TMC3: variants seen among roughly 807,000 people sequenced by gnomAD.
The protein encoded by TMC3 is transmembrane channel-like protein 3.
Under a neutral mutation model 110.6 loss-of-function variants are expected in TMC3, and 98 were observed. That is an observed-to-expected ratio of 0.89 (90% CI 0.75 to 1.05). The LOEUF is 1.05. Ranked by LOEUF, TMC3 falls within the 50% of genes least tolerant of loss-of-function variation. The pLI, the probability that TMC3 is intolerant of heterozygous loss-of-function variation, is 0.00. For missense variants in TMC3, 1,319 were observed against 1,373.2 expected (o/e 0.96, Z 0.62); for synonymous variants, 489 against 513.1 (o/e 0.95, Z 0.63).
chr15:81,371,235 C>A (rs1894427591), intron 2 of TMC3, among the ~76,000 whole-genome samples: 1 of 152,130 alleles, frequency 6.6e-6, no homozygotes. Context: ...ACATGAAAGG[C>A]CCATGAAGGA....
intron 18 of TMC3, 137 bp downstream of exon 18, chr15:81,338,518 C>T: frequency 8.5e-7 from 1 of 1,179,374 alleles, no homozygotes; most frequent in Non-Finnish European, 1.2e-6. Context: ...CTCAGAGTCC[C>T]TGTTGAGATC....
chr15:81,347,961 A>G (rs577216867), intron 11 of TMC3, among the ~76,000 whole-genome samples: 2 of 152,192 alleles, frequency 1.3e-5, no homozygotes, highest in South Asian at 2.1e-4. Context: ...TGCTCTTCCT[A>G]GTCATGTTTT....
In TMC3 at chr15:81,338,808, A is replaced by AT. The variant is rs1893652034; in HGVS notation, c.1956-29dup. On this transcript the variant is annotated intron_variant, in intron 17 of 21. Transcript: ENST00000359440. Reference sequence around the variant, plus strand: ...GTGAGAAAGAAAAACATAACTCCAGATTTTATTGCTCTTGGCAGAAAGATG... The same window carrying AT: ...GTGAGAAAGAAAAACATAACTCCAGATTTTTATTGCTCTTGGCAGAAAGATG... 5.0e-6 allele frequency: 8 copies of AT among 1,611,188 alleles called. No individual in the cohort carries two copies. The East Asian group carries it at 1.8e-4, about 36-fold the overall frequency.
At position 81,368,314 on chromosome 15, in the gene TMC3, A is replaced by G. The variant is rs200057903; in HGVS notation, c.251T>C (p.Ile84Thr). 7.4e-6 allele frequency: 12 copies of G among 1,613,438 alleles called. No individual in the cohort carries two copies. Among genetic ancestry groups the G allele is most frequent in the East Asian group, 4.5e-5 (2 of 44,854 alleles). The change falls in exon 3 of 22, where the codon ATT becomes ACT. Residue 84 changes from isoleucine to threonine, a missense_variant. Ile to Thr is a moderately conservative substitution (Grantham distance 89, BLOSUM62 -1). Coordinates refer to ENST00000359440, the MANE Select transcript of TMC3 (RefSeq NM_001080532.3). ...CAGCCTCCCTTCAAACTTCAGCACA[A>G]TGTTCTTCGCTTGTCTAAGAGAAGA... ...KLRALRQAKN[I>T]VLKFEGRLTR...
Position 81,374,078 on chromosome 15 carries a change from G to A in TMC3, c.-1C>T. The stretch of plus-strand genomic sequence containing the variant: ...GCTGGGATGCCTTCGAGGTTTTCAT[G>A]GGAGCTAACCCACTGCTAACAATCA... On this transcript the variant is annotated 5_prime_UTR_variant, in exon 1 of 22. Transcript: ENST00000359440. 1 of 1,613,422 alleles carries A rather than the reference G, an allele frequency of 6.2e-7. No individual in the cohort carries two copies. Among genetic ancestry groups the A allele is most frequent in the Non-Finnish European group, 8.5e-7 (1 of 1,179,684 alleles).
chr15:81,332,222 T>G lies in TMC3; in HGVS notation c.*197A>C. On this transcript the variant is annotated 3_prime_UTR_variant, in exon 22 of 22. Coordinates refer to ENST00000359440, the MANE Select transcript of TMC3 (RefSeq NM_001080532.3). ...ATACTTTGGTGCCACCTAACTCGGA[T>G]AAATTTGGCTAACAGTAGCTGTAGA... is the stretch of plus-strand genomic sequence containing the variant. 1.5e-6 allele frequency: 1 copy of G among 674,696 alleles called. No homozygotes were observed. Among genetic ancestry groups the G allele is most frequent in the Non-Finnish European group, 2.3e-6 (1 of 430,114 alleles). The allele number at this position is 674,696 out of a possible 1,614,324, so 41.8% of individuals were successfully genotyped here.
rs553645567 is a variant in TMC3, at chr15:81,362,002, G to A, written c.394+218C>T. The A allele has an allele frequency of 1.8e-3, 758 of 423,312 alleles. 2 individuals carry two copies. Among genetic ancestry groups the A allele is most frequent in the Non-Finnish European group, 2.8e-3 (647 of 227,178 alleles). The allele number at this position is 423,312 out of a possible 1,614,324, so 26.2% of individuals were successfully genotyped here. ...GAGAACAGCAGAGCCGCAGCGGAAT[G>A]TGGAAAGGCCCACGTCCAGACTGTT... On this transcript the variant is annotated intron_variant, in intron 4 of 21. Transcript: ENST00000359440.
intron 4 of TMC3, among the ~76,000 whole-genome samples, chr15:81,361,317 C>T (rs1393710406): frequency 1.3e-5 from 2 of 152,092 alleles, no homozygotes; most frequent in Non-Finnish European, 2.9e-5. Flanking sequence ...ACAATTGAAT[C>T]AATTGTTCCA....
Position 81,333,111 on chromosome 15 carries a change from GT to G in TMC3, c.2610del (p.Gln871ArgfsTer31). The G allele has an allele frequency of 6.2e-7, 1 of 1,614,086 alleles. No homozygotes were observed. Among genetic ancestry groups the G allele is most frequent in the Non-Finnish European group, 8.5e-7 (1 of 1,179,906 alleles). On this transcript the variant is annotated frameshift_variant, in exon 22 of 22. Coordinates refer to ENST00000359440, the MANE Select transcript of TMC3 (RefSeq NM_001080532.3). LOFTEE classifies it low-confidence loss of function (END_TRUNC). ...CCCTGTGCCAGCAAAGTCGAGGCCT[GT>G]GGTCCACGGTGAGGAGGGTTGATTT... Reference protein sequence around the residue: ...FQQINPPHRGPQASTLLAQGP... With the variant: ...FQQINPPHRGXQASTLLAQGP...
chr15:81,372,349 GACACAC>G (rs371289786), intron 2 of TMC3, among the ~76,000 whole-genome samples: 17,309 of 116,562 alleles, frequency 0.15, 1,598 homozygotes, highest in Non-Finnish European at 0.18. Flanking sequence ...CTGTCTCTCT[GACACAC>G]ACACACACAC....
chr15:81,370,776 G>A (rs1894416864), intron 2 of TMC3, among the ~76,000 whole-genome samples: 1 of 150,778 alleles, frequency 6.6e-6, no homozygotes, highest in Non-Finnish European at 1.5e-5. Context: ...CCGGGTTCAA[G>A]CAATTCTCCT....
At chr15:81,354,725 C>A (rs1894022165) in intron 9 of TMC3, among the ~76,000 whole-genome samples, 1 of 152,148 alleles carries the variant, frequency 6.6e-6, no homozygotes, top group Admixed American at 6.5e-5. Context: ...GAAATTTCTA[C>A]CCACTGGGGA....
intron 10 of TMC3, among the ~76,000 whole-genome samples, 192 bp from the exon 11 acceptor site, chr15:81,349,759 C>CTTT (rs532576010): frequency 0.12 from 15,061 of 129,138 alleles, 1,720 homozygotes; most frequent in African/African-American, 0.29. Context: ...TTATCATGGT[C>CTTT]TTTTTTTTTT....
chr15:81,344,694 C>T (rs1893785819), intron 13 of TMC3, 72 bp downstream of exon 13: 1 of 1,450,908 alleles, frequency 6.9e-7, no homozygotes, highest in Non-Finnish European at 9.5e-7. Context: ...GGGGCAGTGA[C>T]AGCTCAGAGA....
At chr15:81,369,846 A>G (rs947881932) in intron 2 of TMC3, among the ~76,000 whole-genome samples, 2 of 152,158 alleles carry the variant, frequency 1.3e-5, no homozygotes, top group Admixed American at 1.3e-4. Flanking sequence ...AGATCACTTG[A>G]GCCCAGGAGT....
chr15:81,356,363 G>T, intron 8 of TMC3, 84 bp downstream of exon 8: 1 of 1,451,506 alleles, frequency 6.9e-7, no homozygotes, highest in Non-Finnish European at 9.2e-7. Context: ...GAAGAGGATG[G>T]TTCTGGCTTC....
chr15:81,332,490 T>A lies in TMC3; in HGVS notation c.3232A>T (p.Ser1078Cys), dbSNP rs768520758. 11 of 1,613,188 alleles carry A rather than the reference T, an allele frequency of 6.8e-6. No homozygotes were observed. In the African/African-American group the frequency reaches 1.5e-4, roughly 22 times the overall value. The change falls in exon 22 of 22, where the codon AGC becomes TGC. Residue 1078 changes from serine to cysteine, a missense_variant. Physicochemically the swap from Ser to Cys is moderately radical, Grantham distance 112 (BLOSUM62 -1). Transcript: ENST00000359440. ...TGCCCCGACTTGGCCTTCCTCCTGC[T>A]GGGCTGGCCCACGGACCTCGGGAAC... is the stretch of plus-strand genomic sequence containing the variant. ...GRFPRSVGQP[S>C]RRKAKSGQEL...
rs769721986 is a variant in TMC3, at chr15:81,332,376, C to G, written c.*43G>C. On this transcript the variant is annotated 3_prime_UTR_variant, in exon 22 of 22. Transcript: ENST00000359440. The stretch of plus-strand genomic sequence containing the variant: ...AGATGCCATGTGCTGGCCCAGCACT[C>G]CAACAGGGGCCTGACCTCTAGGAAC... 1.9e-6 allele frequency: 3 copies of G among 1,544,356 alleles called. No individual in the cohort carries two copies. The highest frequency in any genetic ancestry group is 1.4e-5 in the African/African-American group (1 of 73,218).
rs28660401 is a variant in TMC3, at chr15:81,345,470, T to C, written c.1273-459A>G. 3.9e-3 allele frequency among the ~76,000 whole-genome samples: 594 copies of C among 152,252 alleles called. 2 individuals carry two copies. The highest frequency in any genetic ancestry group is 0.013 in the African/African-American group (555 of 41,542). ...TCGTCTGCCTATAGGCCTTGAAATT[T>C]GATGTTAGTGTGATATGCCTTGGGC... On this transcript the variant is annotated intron_variant, in intron 12 of 21. Coordinates refer to ENST00000359440, the MANE Select transcript of TMC3 (RefSeq NM_001080532.3).
Sources: allele counts gnomAD v4.1 joint callset (sites outside exome capture counted in the v4.1 genomes callset), GRCh38; gene constraint gnomAD v4.1.1; transcripts MANE v1.5; gene names NCBI Gene and HGNC (gene_info 2026-07-23, HGNC 2026-07-21).